ZNF609: variants seen among roughly 807,000 people sequenced by gnomAD.
ZNF609 encodes zinc finger protein 609.
A neutral mutation model predicts 109.5 loss-of-function variants in ZNF609; 11 were observed. The ratio of observed to expected loss-of-function variants is 0.10; its 90% CI spans 0.06 to 0.17. ZNF609 has a LOEUF of 0.17. ZNF609 is among the 10% of genes least tolerant of loss of function. ZNF609 has a pLI of 1.00. For synonymous variants in ZNF609, 646 were observed against 662.0 expected (o/e 0.98, Z 0.37); for missense variants, 1,559 against 1,772.4 (o/e 0.88, Z 2.16).
chr15:64,465,263 G>A (rs1003443719), intron 1 of ZNF609, among the ~76,000 whole-genome samples: 3 of 152,198 alleles, frequency 2.0e-5, no homozygotes, highest in Non-Finnish European at 2.9e-5. Context: ...TTTTGTGGAA[G>A]TCTACCTGAC....
intron 1 of ZNF609, among the ~76,000 whole-genome samples, chr15:64,465,345 G>A (rs1348056557): frequency 6.6e-6 from 1 of 151,880 alleles, no homozygotes; most frequent in Non-Finnish European, 1.5e-5. Flanking sequence ...TTCCCCACAT[G>A]AAGTTTGCAT....
At chr15:64,568,464 G>C (rs1253674199) in intron 2 of ZNF609, among the ~76,000 whole-genome samples, 1 of 152,112 alleles carries the variant, frequency 6.6e-6, no homozygotes, top group African/African-American at 2.4e-5. Context: ...ATAACTTGAG[G>C]AGCTCTTGAA....
At chr15:64,467,784 G>T (rs1893036171) in intron 1 of ZNF609, among the ~76,000 whole-genome samples, 1 of 152,184 alleles carries the variant, frequency 6.6e-6, no homozygotes, top group African/African-American at 2.4e-5. Flanking sequence ...GATGGAGGTT[G>T]CAGTGAGTGG....
intron 2 of ZNF609, among the ~76,000 whole-genome samples, chr15:64,525,351 G>T (rs2140367503): frequency 6.6e-6 from 1 of 152,228 alleles, no homozygotes; most frequent in African/African-American, 2.4e-5. Flanking sequence ...ACCCCACATT[G>T]AATTTTCTTG....
At chr15:64,642,062 G>T (rs1405899969) in intron 3 of ZNF609, among the ~76,000 whole-genome samples, 1 of 152,178 alleles carries the variant, frequency 6.6e-6, no homozygotes, top group African/African-American at 2.4e-5. Flanking sequence ...TAATCTGATT[G>T]GAGGTTCTGC....
intron 2 of ZNF609, among the ~76,000 whole-genome samples, chr15:64,537,744 A>G (rs1894178917): frequency 6.6e-6 from 1 of 152,224 alleles, no homozygotes; most frequent in South Asian, 2.1e-4. Flanking sequence ...CTTTGGCAGA[A>G]CACAAACTGT....
chr15:64,461,019 G>T (rs1182857464), intron 1 of ZNF609, among the ~76,000 whole-genome samples, 181 bp downstream of exon 1: 1 of 127,888 alleles, frequency 7.8e-6, no homozygotes, highest in African/African-American at 3.0e-5. Context: ...GGGTCGTTGC[G>T]TGGGTGGGGG....
chr15:64,483,374 G>T (rs978208392), intron 1 of ZNF609, among the ~76,000 whole-genome samples: 1 of 151,948 alleles, frequency 6.6e-6, no homozygotes, highest in Non-Finnish European at 1.5e-5. Context: ...GATTACAGGC[G>T]TGAGCCACCA....
chr15:64,487,870 G>C (rs1325261582), intron 1 of ZNF609, among the ~76,000 whole-genome samples: 1 of 152,096 alleles, frequency 6.6e-6, no homozygotes, highest in Non-Finnish European at 1.5e-5. Context: ...TCCTGACCTT[G>C]TGATCCACCC....
intron 1 of ZNF609, among the ~76,000 whole-genome samples, chr15:64,490,120 G>A (rs1188688272): frequency 6.6e-6 from 1 of 151,864 alleles, no homozygotes; most frequent in Non-Finnish European, 1.5e-5. Flanking sequence ...CACCATATCT[G>A]GCTAATTTTT....
intron 2 of ZNF609, among the ~76,000 whole-genome samples, chr15:64,596,499 G>C (rs1895401449): frequency 1.3e-5 from 2 of 152,096 alleles, no homozygotes; most frequent in Admixed American, 1.3e-4. Context: ...TGTTCCCTCT[G>C]CCTATAGTGC....
chr15:64,624,094 A>G (rs932962519), intron 3 of ZNF609, among the ~76,000 whole-genome samples: 2 of 152,214 alleles, frequency 1.3e-5, no homozygotes, highest in African/African-American at 4.8e-5. Flanking sequence ...GTATTTATTT[A>G]AAGTTTACCG....
chr15:64,605,735 C>CTTTTT (rs750562675), intron 2 of ZNF609, among the ~76,000 whole-genome samples: 1 of 134,250 alleles, frequency 7.4e-6, no homozygotes, highest in Admixed American at 7.6e-5. Flanking sequence ...CTTTTTCTTT[C>CTTTTT]TTTTTTTTTT....
intron 2 of ZNF609, among the ~76,000 whole-genome samples, chr15:64,516,404 C>T (rs759925404): frequency 6.6e-6 from 1 of 152,142 alleles, no homozygotes; most frequent in Non-Finnish European, 1.5e-5. Flanking sequence ...CAGAGTCTTG[C>T]TCTGTTGCCC....
intron 2 of ZNF609, among the ~76,000 whole-genome samples, chr15:64,508,995 A>G (rs1411748205): frequency 2.6e-5 from 4 of 152,158 alleles, no homozygotes; most frequent in Admixed American, 6.5e-5. Context: ...TGCCCAGCTG[A>G]GACCCAACAA....
intron 2 of ZNF609, among the ~76,000 whole-genome samples, chr15:64,571,377 A>C (rs1894857606): frequency 6.6e-6 from 1 of 152,226 alleles, no homozygotes; most frequent in Non-Finnish European, 1.5e-5. Flanking sequence ...TATTATATGA[A>C]TAGATTAAAT....
chr15:64,511,426 A>G (rs1893725692), intron 2 of ZNF609, among the ~76,000 whole-genome samples: 1 of 149,164 alleles, frequency 6.7e-6, no homozygotes, highest in South Asian at 2.2e-4. Flanking sequence ...GGTTGCAGTG[A>G]GCTGAGAACA....
chr15:64,629,434 G>A (rs1410867024), intron 3 of ZNF609, among the ~76,000 whole-genome samples: 1 of 152,230 alleles, frequency 6.6e-6, no homozygotes, highest in Non-Finnish European at 1.5e-5. Flanking sequence ...AGGTAGGTAA[G>A]TAGTCTAGGG....
At chr15:64,610,074 C>A (rs1895692661) in intron 2 of ZNF609, among the ~76,000 whole-genome samples, 1 of 152,016 alleles carries the variant, frequency 6.6e-6, no homozygotes, top group Admixed American at 6.6e-5. Flanking sequence ...TGAAGTGTCA[C>A]ACCTGTAATC....
Sources: gnomAD v4.1 joint callset for allele counts (sites outside exome capture counted in the v4.1 genomes callset) on GRCh38, gnomAD v4.1.1 for gene constraint, MANE v1.5 for transcripts, NCBI Gene and HGNC (gene_info 2026-07-23, HGNC 2026-07-21) for gene names.